The following GALNT13 variants were observed in gnomAD, a reference collection of about 807,000 sequenced individuals.
GALNT13 encodes polypeptide N-acetylgalactosaminyltransferase 13.
A neutral mutation model predicts 64.2 loss-of-function variants in GALNT13; 28 were observed. The observed-to-expected ratio is 0.44, with a 90% CI of 0.32 to 0.60. The LOEUF is 0.60. GALNT13 is among the 20% of genes least tolerant of loss of function. The pLI is 0.05. For missense variants in GALNT13, 577 were observed against 669.8 expected (o/e 0.86, Z 1.53); for synonymous variants, 214 against 224.6 (o/e 0.95, Z 0.42).
chr2:154,341,507 A>T (rs1411639679), intron 9 of GALNT13, among the ~76,000 whole-genome samples: 2 of 152,230 alleles, frequency 1.3e-5, no homozygotes, highest in South Asian at 2.1e-4. Flanking sequence ...ACAAAAAAAG[A>T]TAGTATATTC....
At chr2:153,682,616 A>G in the GALNT13 span, among the ~76,000 whole-genome samples, 1 of 151,866 alleles carries the variant, frequency 6.6e-6, no homozygotes. Flanking sequence ...CAATGATTAC[A>G]TAAGAGCACA....
chr2:154,274,488 C>A (rs554383934), intron 8 of GALNT13, among the ~76,000 whole-genome samples: 1 of 152,156 alleles, frequency 6.6e-6, no homozygotes, highest in South Asian at 2.1e-4. Context: ...GTAGTCCCCA[C>A]GTGTCATGGA....
At chr2:153,941,805 A>G (rs1347540308) in intron 2 of GALNT13, among the ~76,000 whole-genome samples, 3 of 152,168 alleles carry the variant, frequency 2.0e-5, no homozygotes, top group Non-Finnish European at 4.4e-5. Context: ...AAATTTCCAA[A>G]TTAAAAAATA....
intron 4 of GALNT13, among the ~76,000 whole-genome samples, chr2:154,176,500 C>T (rs1044906885): frequency 2.0e-5 from 3 of 151,932 alleles, no homozygotes; most frequent in Admixed American, 2.0e-4. Context: ...GATCTGCCTG[C>T]CTTGGCCTCC....
intron 4 of GALNT13, among the ~76,000 whole-genome samples, chr2:154,146,729 T>C (rs1421008153): frequency 6.6e-6 from 1 of 152,034 alleles, no homozygotes; most frequent in African/African-American, 2.4e-5. Flanking sequence ...AGAAATGCTG[T>C]CAGGATAAGC....
At chr2:154,087,584 TA>T (rs1228570846) in intron 3 of GALNT13, among the ~76,000 whole-genome samples, 8 of 152,126 alleles carry the variant, frequency 5.3e-5, no homozygotes, top group Admixed American at 4.6e-4. Context: ...TTTATTCTTA[TA>T]AAGCACAATT....
chr2:153,963,240 A>G (rs72621666), intron 3 of GALNT13, among the ~76,000 whole-genome samples: 13,464 of 152,248 alleles, frequency 0.088, 1,542 homozygotes, highest in East Asian at 0.61. Context: ...AACACCTAAA[A>G]GTCTTCACCT....
the GALNT13 span, among the ~76,000 whole-genome samples, chr2:153,144,129 T>C: frequency 6.6e-6 from 1 of 152,008 alleles, no homozygotes; most frequent in Non-Finnish European, 1.5e-5. Flanking sequence ...TCTCCATTTT[T>C]AGAAAGCTCC....
intron 1 of GALNT13, among the ~76,000 whole-genome samples, chr2:153,893,370 T>A (rs1687679512): frequency 6.6e-6 from 1 of 152,134 alleles, no homozygotes; most frequent in African/African-American, 2.4e-5. Context: ...TTGTTGCTTT[T>A]GTTCACTTTC....
chr2:153,684,903 G>C, the GALNT13 span, among the ~76,000 whole-genome samples: 1 of 151,608 alleles, frequency 6.6e-6, no homozygotes, highest in African/African-American at 2.4e-5. Context: ...GAACACGCAG[G>C]ATTTGTATTT....
intron 8 of GALNT13, among the ~76,000 whole-genome samples, chr2:154,273,254 G>A (rs1691452060): frequency 6.6e-6 from 1 of 152,124 alleles, no homozygotes; most frequent in African/African-American, 2.4e-5. Flanking sequence ...AACCCTCCCA[G>A]GGGACATTTG....
chr2:153,327,738 C>A, the GALNT13 span, among the ~76,000 whole-genome samples: 8 of 151,932 alleles, frequency 5.3e-5, no homozygotes, highest in African/African-American at 1.9e-4. Flanking sequence ...TGTGTTAGAA[C>A]ATGTTCCTTT....
At chr2:153,758,047 A>T in the GALNT13 span, among the ~76,000 whole-genome samples, 1 of 152,258 alleles carries the variant, frequency 6.6e-6, no homozygotes, top group East Asian at 1.9e-4. Flanking sequence ...CAAACGTAAA[A>T]CATTGTCCAG....
chr2:154,151,083 C>G (rs1448347092), intron 4 of GALNT13, among the ~76,000 whole-genome samples: 1 of 152,118 alleles, frequency 6.6e-6, no homozygotes, highest in Non-Finnish European at 1.5e-5. Flanking sequence ...ATAAATTTCC[C>G]TCTACACAGT....
the GALNT13 span, among the ~76,000 whole-genome samples, chr2:153,399,008 T>C: frequency 8.4e-6 from 1 of 118,922 alleles, no homozygotes; most frequent in East Asian, 2.2e-4. Flanking sequence ...CATGCCTATG[T>C]CCTGAATGGT....
the GALNT13 span, among the ~76,000 whole-genome samples, chr2:153,373,415 A>T: frequency 6.6e-6 from 1 of 152,174 alleles, no homozygotes; most frequent in African/African-American, 2.4e-5. Context: ...ATTTTTTATC[A>T]CAGTATCAAA....
chr2:153,155,508 A>G, the GALNT13 span, among the ~76,000 whole-genome samples: 41 of 152,228 alleles, frequency 2.7e-4, no homozygotes, highest in African/African-American at 9.9e-4. Context: ...GTTTATGTAC[A>G]TAGAAGTGTT....
intron 9 of GALNT13, among the ~76,000 whole-genome samples, chr2:154,340,899 AGTGTGT>A (rs57448184): frequency 4.7e-5 from 7 of 149,194 alleles, no homozygotes; most frequent in African/African-American, 1.0e-4. Flanking sequence ...TGTGTGTATG[AGTGTGT>A]GTGTGTGTGT....
the GALNT13 span, among the ~76,000 whole-genome samples, chr2:153,290,342 A>G: frequency 6.6e-6 from 1 of 152,214 alleles, no homozygotes; most frequent in Non-Finnish European, 1.5e-5. Context: ...CAAAGAAAGC[A>G]TTATTGAAAA....
Sources: gnomAD v4.1 joint callset for allele counts (sites outside exome capture counted in the v4.1 genomes callset) on GRCh38, gnomAD v4.1.1 for gene constraint, MANE v1.5 for transcripts, NCBI Gene and HGNC (gene_info 2026-07-23, HGNC 2026-07-21) for gene names.